The following DYM variants were observed in gnomAD, a reference collection of about 807,000 sequenced individuals.
DYM encodes the protein dyggve-Melchior-Clausen syndrome protein.
In DYM, 78 loss-of-function variants were observed where a neutral mutation model predicts 93.1. That is an observed-to-expected ratio of 0.84 (90% CI 0.70 to 1.01). DYM has a LOEUF of 1.01. Among genes scored for constraint, DYM ranks in the 50% least tolerant of loss-of-function variants. The pLI is 0.00. For missense variants in DYM, 789 were observed against 845.0 expected (o/e 0.93, Z 0.82); for synonymous variants, 321 against 319.7 (o/e 1.00, Z -0.04).
At chr18:49,437,640 C>G (rs1417433887) in intron 1 of DYM, among the ~76,000 whole-genome samples, 1 of 152,170 alleles carries the variant, frequency 6.6e-6, no homozygotes, top group Non-Finnish European at 1.5e-5. Flanking sequence ...TTGATAGATA[C>G]TGCCTGGCTG....
Position 49,205,310 on chromosome 18 carries a change from A to G in DYM, c.1625+4241T>C, listed in dbSNP as rs919784249. 1.1e-4 allele frequency among the ~76,000 whole-genome samples: 16 copies of G among 152,334 alleles called. No individual in the cohort carries two copies. In the South Asian group the frequency reaches 1.4e-3, roughly 14 times the overall value. On this transcript the variant is annotated intron_variant, in intron 14 of 17. Transcript: ENST00000675505. ...AACAAATGTAAAGCCCTGCAATCAC[A>G]TTCAAATAATTAAATATACAAATCT...
intron 17 of DYM, among the ~76,000 whole-genome samples, chr18:49,069,223 A>G (rs1484508612): frequency 6.6e-6 from 1 of 152,258 alleles, no homozygotes; most frequent in East Asian, 1.9e-4. Context: ...CAAATCATAC[A>G]TTAAAGTCAG....
At chr18:49,286,707 G>T in intron 8 of DYM, 91 bp from the exon 9 acceptor site, 1 of 1,226,478 alleles carries the variant, frequency 8.2e-7, no homozygotes, top group Non-Finnish European at 1.2e-6. Context: ...ATACAATATG[G>T]TAATGAGCAG....
chr18:49,132,682 T>C (rs183483300), intron 15 of DYM, among the ~76,000 whole-genome samples: 154 of 152,234 alleles, frequency 1.0e-3, no homozygotes, highest in Admixed American at 2.7e-3. Context: ...ACAAAAACCG[T>C]CATTAAAATA....
intron 14 of DYM, among the ~76,000 whole-genome samples, chr18:49,171,412 G>A (rs2088706266): frequency 6.6e-6 from 1 of 152,060 alleles, no homozygotes; most frequent in African/African-American, 2.4e-5. Context: ...GGGGAAAAGA[G>A]AAGTAACTGA....
intron 5 of DYM, among the ~76,000 whole-genome samples, chr18:49,368,244 T>C (rs1020418479): frequency 6.6e-6 from 1 of 152,192 alleles, no homozygotes; most frequent in African/African-American, 2.4e-5. Flanking sequence ...TTATAAAATG[T>C]GCCTATAGAA....
chr18:49,329,241 T>A (rs898137649), intron 8 of DYM, among the ~76,000 whole-genome samples: 1 of 131,508 alleles, frequency 7.6e-6, no homozygotes, highest in Admixed American at 8.7e-5. Context: ...TAATGAGAAC[T>A]CTTGGACACA....
chr18:49,109,060 A>G (rs2081155489), intron 16 of DYM, among the ~76,000 whole-genome samples: 1 of 151,990 alleles, frequency 6.6e-6, no homozygotes, highest in South Asian at 2.1e-4. Flanking sequence ...TACGTAGTAA[A>G]AGTTATTTTA....
rs183943930 is a variant in DYM at position 49,430,641 on chromosome 18, C to T, written c.-53-194G>A. Among the ~76,000 whole-genome samples, 188 of 152,262 alleles carry T rather than the reference C, an allele frequency of 1.2e-3. 1 individual carries two copies. The highest frequency in any genetic ancestry group is 4.4e-3 in the African/African-American group (181 of 41,564). ...GTGACTCACGCCTGTAATCCCAACA[C>T]TTTGGGAGGCTGAGGCGGGCAGATC... is the stretch of plus-strand genomic sequence containing the variant. On this transcript the variant is annotated intron_variant, in intron 1 of 17. Transcript: ENST00000675505.
chr18:49,337,481 C>T (rs2063759723), intron 6 of DYM, among the ~76,000 whole-genome samples: 1 of 152,196 alleles, frequency 6.6e-6, no homozygotes. Flanking sequence ...AGAAAAGAGG[C>T]ACTCTCTCCT....
rs1228907678 is a variant in DYM at position 49,044,115 on chromosome 18, T to C, written c.2115A>G (p.Ser705=). ...IPYVWSLVYN[S]AVGLYWNPQD... is the part of the protein sequence containing the mutation. The stretch of plus-strand genomic sequence containing the variant: ...GTGGATTCCAGTACAGGCCGACTGC[T>C]GAGTTGTAGACAAGAGACCAGACAT... The change falls in exon 18 of 18, where the codon TCA becomes TCG. Residue 705 remains serine, a synonymous_variant. Transcript: ENST00000675505. 6.2e-7 allele frequency: 1 copy of C among 1,614,150 alleles called. No homozygotes were observed. The highest frequency in any genetic ancestry group is 1.7e-5 in the Admixed American group (1 of 60,036).
At chr18:49,454,941 G>A (rs889456976) in intron 1 of DYM, among the ~76,000 whole-genome samples, 1 of 148,904 alleles carries the variant, frequency 6.7e-6, no homozygotes, top group Non-Finnish European at 1.5e-5. Flanking sequence ...ATCTGCTGCG[G>A]TCCATGGCCT....
At chr18:49,326,992 CGTGTGTGTGTGTGTGTGT>C (rs10584298) in intron 8 of DYM, among the ~76,000 whole-genome samples, 9 of 93,374 alleles carry the variant, frequency 9.6e-5, no homozygotes, top group Admixed American at 2.5e-4. Context: ...TTTAAAAAAC[CGTGTGTGTGTGTGTGTGT>C]GTGTGTGTGT....
intron 6 of DYM, among the ~76,000 whole-genome samples, chr18:49,341,623 T>A (rs914996182): frequency 1.3e-5 from 2 of 152,026 alleles, no homozygotes; most frequent in Non-Finnish European, 1.5e-5. Flanking sequence ...AGTTGATAGT[T>A]ACTGAAGCTG....
At chr18:49,441,999 C>T (rs896517039) in intron 1 of DYM, among the ~76,000 whole-genome samples, 1 of 152,100 alleles carries the variant, frequency 6.6e-6, no homozygotes. Context: ...AGTTTCCCTG[C>T]CTCCAAGGCA....
chr18:49,448,232 A>G (rs2082260975), intron 1 of DYM, among the ~76,000 whole-genome samples: 1 of 152,184 alleles, frequency 6.6e-6, no homozygotes, highest in Non-Finnish European at 1.5e-5. Context: ...GAAAATGGCC[A>G]TTCAATCCCT....
At chr18:49,266,190 T>G (rs1355058506) in intron 11 of DYM, among the ~76,000 whole-genome samples, 2 of 152,206 alleles carry the variant, frequency 1.3e-5, no homozygotes, top group Non-Finnish European at 2.9e-5. Flanking sequence ...AATGTTCTCA[T>G]GCTTCTCACT....
At chr18:49,313,518 G>C (rs1568228122) in intron 8 of DYM, among the ~76,000 whole-genome samples, 1 of 130,110 alleles carries the variant, frequency 7.7e-6, no homozygotes, top group Non-Finnish European at 1.6e-5. Flanking sequence ...AAAAAACCTG[G>C]CCAAAACCTG....
chr18:49,226,071 A>G (rs2093517149), intron 13 of DYM, among the ~76,000 whole-genome samples: 1 of 152,128 alleles, frequency 6.6e-6, no homozygotes, highest in Non-Finnish European at 1.5e-5. Context: ...CCACATAGAA[A>G]ACAAAGTAAA....
Sources: gnomAD v4.1 joint callset for allele counts (sites outside exome capture counted in the v4.1 genomes callset) on GRCh38, gnomAD v4.1.1 for gene constraint, MANE v1.5 for transcripts, NCBI Gene and HGNC (gene_info 2026-07-23, HGNC 2026-07-21) for gene names.